The following EXOC6B variants were observed in gnomAD, a reference collection of about 807,000 sequenced individuals.
EXOC6B encodes the protein exocyst complex component 6B.
Under a neutral mutation model 113.5 loss-of-function variants are expected in EXOC6B, and 54 were observed. The ratio of observed to expected loss-of-function variants is 0.48; its 90% CI spans 0.38 to 0.60. The LOEUF (loss-of-function observed/expected upper bound fraction) is 0.60. Ranked by LOEUF, EXOC6B falls within the 20% of genes least tolerant of loss-of-function variation. The pLI, the probability that EXOC6B is intolerant of heterozygous loss-of-function variation, is 0.00. For missense variants in EXOC6B, 797 were observed against 977.5 expected (o/e 0.82, Z 2.46); for synonymous variants, 357 against 339.0 (o/e 1.05, Z -0.58).
intron 20 of EXOC6B, among the ~76,000 whole-genome samples, chr2:72,322,359 T>C (rs933040681): frequency 6.6e-5 from 10 of 152,128 alleles, no homozygotes; most frequent in Non-Finnish European, 8.8e-5. Context: ...GATTTACATA[T>C]AATTCTAGAA....
chr2:72,379,875 A>G lies in EXOC6B; in HGVS notation c.1981-5T>C. 6.2e-7 allele frequency: 1 copy of G among 1,600,876 alleles called. No individual in the cohort carries two copies. The highest frequency in any genetic ancestry group is 8.5e-7 in the Non-Finnish European group (1 of 1,173,086). On this transcript the variant is annotated splice_polypyrimidine_tract_variant and splice_region_variant and intron_variant, in intron 18 of 21. Coordinates refer to ENST00000272427, the MANE Select transcript of EXOC6B (RefSeq NM_015189.3). ...CGCTGTCTGGGCCACCTTTCCCTGAAACACAAGAGTGTAAATCATAAAGTT... is the reference window on the plus strand; with the variant it reads ...CGCTGTCTGGGCCACCTTTCCCTGAGACACAAGAGTGTAAATCATAAAGTT...
At position 72,307,161 on chromosome 2, in the gene EXOC6B, G is replaced by GTTTTTGTTTTTTTTGTTTT. The variant is rs758906963; in HGVS notation, c.2196+27785_2196+27786insAAAACAAAAAAAACAAAAA. On this transcript the variant is annotated intron_variant, in intron 20 of 21. Transcript: ENST00000272427. ...TCCATGACTGCAATGGTATAGTCCA[G>GTTTTTGTTTTTTTTGTTTT]TTTTTTTTTTTTTGAGACGGAGTCT... is the stretch of plus-strand genomic sequence containing the variant. Among the ~76,000 whole-genome samples, 11 of 128,498 alleles carry GTTTTTGTTTTTTTTGTTTT rather than the reference G, an allele frequency of 8.6e-5. 1 individual carries two copies. Among genetic ancestry groups the GTTTTTGTTTTTTTTGTTTT allele is most frequent in the African/African-American group, 4.2e-4 (11 of 26,204 alleles). The allele number at this position is 128,498 out of a possible 152,430, so 84.3% of individuals were successfully genotyped here. A position where few individuals can be genotyped will look rare whatever the true frequency, so the allele number is the denominator to read the frequency against.
chr2:72,485,276 A>G (rs562138711), intron 16 of EXOC6B, among the ~76,000 whole-genome samples: 1 of 152,306 alleles, frequency 6.6e-6, no homozygotes, highest in East Asian at 1.9e-4. Context: ...CTATAAATTA[A>G]TTCTGGAGTA....
At chr2:72,823,459 G>GAAAAAAAAAAAAAAAAAAAAAAAAA (rs1237385156) in intron 1 of EXOC6B, among the ~76,000 whole-genome samples, 1 of 70,028 alleles carries the variant, frequency 1.4e-5, no homozygotes, top group Non-Finnish European at 2.3e-5. Context: ...AAAGTTTTAA[G>GAAAAAAAAAAAAAAAAAAAAAAAAA]AAAAAAAAAA....
chr2:72,279,441 T>C (rs1281247685), intron 20 of EXOC6B, among the ~76,000 whole-genome samples: 3 of 152,202 alleles, frequency 2.0e-5, no homozygotes, highest in Admixed American at 6.5e-5. Context: ...ACAAAAATTG[T>C]ATAAGGGCCC....
At chr2:72,476,649 C>CTT in intron 17 of EXOC6B, among the ~76,000 whole-genome samples, 1 of 151,900 alleles carries the variant, frequency 6.6e-6, no homozygotes, top group African/African-American at 2.4e-5. Context: ...CTTTTCTTTT[C>CTT]CTTTTTTTAG....
intron 8 of EXOC6B, chr2:72,515,330 G>T: frequency 1.1e-6 from 1 of 916,010 alleles, no homozygotes; most frequent in Non-Finnish European, 1.6e-6. Context: ...GTAAGGATGT[G>T]TACAAAATAT....
At chr2:72,602,612 A>G (rs1480476215) in intron 6 of EXOC6B, among the ~76,000 whole-genome samples, 1 of 152,234 alleles carries the variant, frequency 6.6e-6, no homozygotes. Flanking sequence ...TTTAATTCCT[A>G]CTAACAATTT....
At chr2:72,480,273 T>C (rs192649787) in intron 17 of EXOC6B, among the ~76,000 whole-genome samples, 3 of 152,226 alleles carry the variant, frequency 2.0e-5, no homozygotes, top group Non-Finnish European at 2.9e-5. Flanking sequence ...TAATTAATGT[T>C]AATGTCAGCC....
intron 10 of EXOC6B, among the ~76,000 whole-genome samples, chr2:72,514,075 C>T (rs555991533): frequency 2.4e-4 from 36 of 152,002 alleles, no homozygotes; most frequent in African/African-American, 8.2e-4. Context: ...CTATATACAC[C>T]CTAGATGAGG....
intron 21 of EXOC6B, among the ~76,000 whole-genome samples, chr2:72,181,791 G>A (rs1231505491): frequency 6.6e-6 from 1 of 152,106 alleles, no homozygotes; most frequent in African/African-American, 2.4e-5. Context: ...ATAAACTCAA[G>A]TACCCTGAGG....
At position 72,796,036 on chromosome 2, in the gene EXOC6B, TG is replaced by T. The variant is rs372593789; in HGVS notation, c.113+29761del. 6.0e-5 allele frequency among the ~76,000 whole-genome samples: 9 copies of T among 151,036 alleles called. No homozygotes were observed. In the East Asian group the frequency reaches 1.9e-3, roughly 31 times the overall value. On this transcript the variant is annotated intron_variant, in intron 1 of 21. Transcript: ENST00000272427. ...GGGGCTTTGCCAGTGTTGGCCAGGCTGGTCTCGAACTCCTGACATCAGGTGA... is the reference window on the plus strand; with the variant it reads ...GGGGCTTTGCCAGTGTTGGCCAGGCTGTCTCGAACTCCTGACATCAGGTGA...
At chr2:72,738,142 G>A (rs1271285914) in intron 2 of EXOC6B, among the ~76,000 whole-genome samples, 1 of 152,142 alleles carries the variant, frequency 6.6e-6, no homozygotes, top group African/African-American at 2.4e-5. Context: ...TGGGAAGCAT[G>A]CCCTAGAGGA....
chr2:72,347,646 C>G (rs912160082), intron 19 of EXOC6B, among the ~76,000 whole-genome samples: 1 of 151,952 alleles, frequency 6.6e-6, no homozygotes, highest in Admixed American at 6.6e-5. Flanking sequence ...AATATAATTT[C>G]AACATGAAAT....
chr2:72,823,003 C>A lies in EXOC6B; in HGVS notation c.113+2795G>T, dbSNP rs185600176. 2.6e-5 allele frequency among the ~76,000 whole-genome samples: 4 copies of A among 151,604 alleles called. No individual in the cohort carries two copies. The East Asian group carries it at 5.8e-4, about 22-fold the overall frequency. On this transcript the variant is annotated intron_variant, in intron 1 of 21. Transcript: ENST00000272427. ...GTCTGTGCATGCTGCTGCCTCTGAA[C>A]GGGATAAGGAAAAAAGGTGAGATCA...
chr2:72,651,285 T>G (rs113870250), intron 6 of EXOC6B, among the ~76,000 whole-genome samples: 2 of 152,232 alleles, frequency 1.3e-5, no homozygotes, highest in African/African-American at 4.8e-5. Context: ...ACACAAAGCC[T>G]GTAGTTCTAA....
At chr2:72,551,415 C>G (rs1287587543) in intron 8 of EXOC6B, among the ~76,000 whole-genome samples, 1 of 152,030 alleles carries the variant, frequency 6.6e-6, no homozygotes, top group African/African-American at 2.4e-5. Flanking sequence ...CCAGGATGGT[C>G]TCGATCTCTT....
At chr2:72,454,090 C>T (rs1697068048) in intron 18 of EXOC6B, among the ~76,000 whole-genome samples, 1 of 152,186 alleles carries the variant, frequency 6.6e-6, no homozygotes, top group Admixed American at 6.5e-5. Flanking sequence ...CCACCCCTGA[C>T]ACGCGGGGAT....
intron 20 of EXOC6B, among the ~76,000 whole-genome samples, chr2:72,284,009 G>T (rs1685276976): frequency 6.6e-6 from 1 of 151,998 alleles, no homozygotes; most frequent in African/African-American, 2.4e-5. Flanking sequence ...AAAACAGAAA[G>T]CCCCAAGTAC....
Sources: gnomAD v4.1 joint callset for allele counts (sites outside exome capture counted in the v4.1 genomes callset) on GRCh38, gnomAD v4.1.1 for gene constraint, MANE v1.5 for transcripts, NCBI Gene and HGNC (gene_info 2026-07-23, HGNC 2026-07-21) for gene names.